The following AR variants were observed in gnomAD, a reference collection of about 807,000 sequenced individuals.
AR encodes the protein dihydrotestosterone receptor.
Under a neutral mutation model 53.9 loss-of-function variants are expected in AR, and 8 were observed. The ratio of observed to expected loss-of-function variants is 0.15; its 90% CI spans 0.09 to 0.27. The LOEUF is 0.27. Ranked by LOEUF, AR falls within the 10% of genes least tolerant of loss-of-function variation. The pLI, the probability that AR is intolerant of heterozygous loss-of-function variation, is 1.00. For synonymous variants in AR, 359 were observed against 316.4 expected, an observed-to-expected ratio of 1.13 and a Z score of -1.43; for missense variants, 639 against 742.5, an observed-to-expected ratio of 0.86 and a Z score of 1.62.
chrX:67,626,636 T>TATA (rs1924665124), intron 1 of AR, among the ~76,000 whole-genome samples: 3 of 89,526 alleles, frequency 3.4e-5, no homozygotes, highest in African/African-American at 1.3e-4. Flanking sequence ...ATATATATAT[T>TATA]TATTATTATT....
rs1317673095 is a variant in AR at position 67,730,163 on chromosome X, T to C, written c.*6322T>C. ...CAGAGATAAAAATTAATTTTCAATA[T>C]TGAAGGAAAAAAGAAATAAGAAGAG... On this transcript the variant is annotated 3_prime_UTR_variant, in exon 8 of 8. Transcript: ENST00000374690. 1.1e-5 allele frequency: 1 copy of C among 93,049 alleles called. No individual in the cohort carries two copies. The highest frequency in any genetic ancestry group is 2.2e-5 in the Non-Finnish European group (1 of 45,713). 7.7% of individuals were successfully genotyped at this position (93,049 alleles called of 1,213,427 possible).
chrX:67,601,203 ATAAAT>A (rs1923339297), intron 1 of AR, among the ~76,000 whole-genome samples: 1 of 112,296 alleles, frequency 8.9e-6, no homozygotes, highest in South Asian at 3.6e-4. Context: ...TGTTTTTAAA[ATAAAT>A]TAAATGGATG....
chrX:67,568,810 A>C (rs1439794299), intron 1 of AR: 1 of 1,094,887 alleles, frequency 9.1e-7, no homozygotes, highest in African/African-American at 1.9e-5. Context: ...ATCAGCTCTG[A>C]TTTGCCAAGT....
chrX:67,652,870 T>C (rs1219387129), intron 2 of AR, among the ~76,000 whole-genome samples: 2 of 112,228 alleles, frequency 1.8e-5, no homozygotes, highest in South Asian at 3.7e-4. Context: ...GTGTGAGGAT[T>C]GTTCCAAGGT....
At chrX:67,698,498 T>C (rs745364468) in intron 3 of AR, among the ~76,000 whole-genome samples, 21 of 112,997 alleles carry the variant, frequency 1.9e-4, no homozygotes, top group Non-Finnish European at 3.4e-4. Context: ...TACTCATTTA[T>C]GTGTCTGCCT....
chrX:67,656,510 A>G (rs763356347), intron 2 of AR, among the ~76,000 whole-genome samples: 1 of 111,596 alleles, frequency 9.0e-6, no homozygotes, highest in Admixed American at 9.5e-5. Flanking sequence ...CAAAAACAAT[A>G]ATAATGGTGA....
chrX:67,598,697 T>C (rs1960510817), intron 1 of AR, among the ~76,000 whole-genome samples: 3 of 111,668 alleles, frequency 2.7e-5, no homozygotes, highest in Admixed American at 9.5e-5. Flanking sequence ...CAAATATTAT[T>C]TTATTAATAT....
chrX:67,723,013 A>G (rs199749771), intron 7 of AR, 29 bp downstream of exon 7: 4 of 1,204,582 alleles, frequency 3.3e-6, no homozygotes, highest in East Asian at 5.9e-5. Context: ...GTGCTTTATC[A>G]GGGAGAACAG....
intron 1 of AR, among the ~76,000 whole-genome samples, chrX:67,576,312 G>A (rs1656152193): frequency 9.1e-6 from 1 of 110,305 alleles, no homozygotes; most frequent in Non-Finnish European, 1.9e-5. Flanking sequence ...ACCCTATTTG[G>A]TTCCATTGTA....
chrX:67,699,604 C>A (rs1214734716), intron 3 of AR, among the ~76,000 whole-genome samples: 2 of 110,885 alleles, frequency 1.8e-5, no homozygotes, highest in Non-Finnish European at 3.8e-5. Context: ...TTACATCTAC[C>A]TAGCCTTTTT....
At chrX:67,624,394 T>C (rs1390327696) in intron 1 of AR, among the ~76,000 whole-genome samples, 1 of 111,549 alleles carries the variant, frequency 9.0e-6, no homozygotes, top group Non-Finnish European at 1.9e-5. Flanking sequence ...TTAAGAAACT[T>C]CCCACAAAGA....
chrX:67,724,627 C>T lies in AR; in HGVS notation c.*786C>T. On this transcript the variant is annotated 3_prime_UTR_variant, in exon 8 of 8. Transcript: ENST00000374690. ...TCAGTACCTGCCCACAGCCTTGGTCCCTGGGGGCTAGACTGCTCAACTGTG... is the reference window on the plus strand; with the variant it reads ...TCAGTACCTGCCCACAGCCTTGGTCTCTGGGGGCTAGACTGCTCAACTGTG... The T allele has an allele frequency of 5.7e-6, 1 of 175,582 alleles. No individual in the cohort carries two copies. The highest frequency in any genetic ancestry group is 1.1e-5 in the Non-Finnish European group (1 of 91,780). 14.5% of individuals were successfully genotyped at this position (175,582 alleles called of 1,213,427 possible). A position where few individuals can be genotyped will look rare whatever the true frequency, so the allele number is the denominator to read the frequency against.
At chrX:67,714,358 G>A (rs2076104684) in intron 4 of AR, among the ~76,000 whole-genome samples, 1 of 111,983 alleles carries the variant, frequency 8.9e-6, no homozygotes, top group Non-Finnish European at 1.9e-5. Flanking sequence ...TCAATGCTCT[G>A]TAAATGGTGG....
rs141547151 is a variant in AR, at chrX:67,624,797, G to A, written c.1617-18459G>A. Reference sequence around the variant, plus strand: ...CACACAGCTAACATCATACTAAATAGGGAAAGATTGAAATTTTTCCTTGTA... The same window carrying A: ...CACACAGCTAACATCATACTAAATAAGGAAAGATTGAAATTTTTCCTTGTA... On this transcript the variant is annotated intron_variant, in intron 1 of 7. Coordinates refer to ENST00000374690, the MANE Select transcript of AR (RefSeq NM_000044.6). Among the ~76,000 whole-genome samples, 7 of 104,278 alleles carry A rather than the reference G, an allele frequency of 6.7e-5. No individual in the cohort carries two copies. The East Asian group carries it at 2.1e-3, about 32-fold the overall frequency. The allele number at this position is 104,278 out of a possible 115,157, so 90.6% of individuals were successfully genotyped here.
chrX:67,571,931 T>C, intron 1 of AR, among the ~76,000 whole-genome samples: 1 of 111,055 alleles, frequency 9.0e-6, no homozygotes, highest in East Asian at 2.8e-4. Context: ...GAGAAGTCTA[T>C]GATGCTGGAT....
At chrX:67,615,920 A>G (rs1422099806) in intron 1 of AR, among the ~76,000 whole-genome samples, 1 of 111,751 alleles carries the variant, frequency 8.9e-6, no homozygotes, top group Non-Finnish European at 1.9e-5. Context: ...ACATAAGACT[A>G]TTAAAAATGA....
At chrX:67,577,588 G>C (rs1013287398) in intron 1 of AR, among the ~76,000 whole-genome samples, 2 of 111,052 alleles carry the variant, frequency 1.8e-5, no homozygotes, top group Non-Finnish European at 3.8e-5. Context: ...TTTACATTTT[G>C]ACCAGAAGTA....
intron 1 of AR, among the ~76,000 whole-genome samples, chrX:67,571,854 A>G (rs2147347272): frequency 9.0e-6 from 1 of 110,563 alleles, no homozygotes; most frequent in East Asian, 2.9e-4. Flanking sequence ...AGGAGGAGGA[A>G]TCTATCCTAT....
chrX:67,628,110 G>T (rs1924804226), intron 1 of AR, among the ~76,000 whole-genome samples: 1 of 111,331 alleles, frequency 9.0e-6, no homozygotes, highest in African/African-American at 3.3e-5. Context: ...GGATTGACTT[G>T]GGGATGTGGG....
Sources: allele counts gnomAD v4.1 joint callset (sites outside exome capture counted in the v4.1 genomes callset), GRCh38; gene constraint gnomAD v4.1.1; transcripts MANE v1.5; gene names NCBI Gene and HGNC (gene_info 2026-07-23, HGNC 2026-07-21).